The following AGPAT4 variants were observed in gnomAD, a reference collection of about 807,000 sequenced individuals.
AGPAT4 encodes the protein 1-acylglycerol-3-phosphate O-acyltransferase 4.
In AGPAT4, 15 loss-of-function variants were observed where a neutral mutation model predicts 48.0. That is an observed-to-expected ratio of 0.31 (90% CI 0.21 to 0.48). The LOEUF is 0.48. Among genes scored for constraint, AGPAT4 ranks in the 20% least tolerant of loss-of-function variants. The probability of loss-of-function intolerance (pLI) is 0.99; values close to 1 mark genes in which losing one functional copy is unlikely to be tolerated. For synonymous variants in AGPAT4, 178 were observed against 198.7 expected (o/e 0.90, Z 0.88); for missense variants, 314 against 482.5 (o/e 0.65, Z 3.27).
At position 161,200,192 on chromosome 6, in the gene AGPAT4, G is replaced by A. The variant is rs1276238352; in HGVS notation, c.178+31844C>T. On this transcript the variant is annotated intron_variant, in intron 2 of 8. Transcript: ENST00000320285. This position sits in a 1 kb window ranked among gnomAD's most constrained non-coding sequence, Gnocchi z 5.5. Reference sequence around the variant, plus strand: ...GTTCACCCTTCAGCCCGGTCCCCATGAGAAAAAATGTCAAATTGTACATCA... The same window carrying A: ...GTTCACCCTTCAGCCCGGTCCCCATAAGAAAAAATGTCAAATTGTACATCA... Among the ~76,000 whole-genome samples, 1 of 152,222 alleles carries A rather than the reference G, an allele frequency of 6.6e-6. No individual in the cohort carries two copies. The highest frequency in any genetic ancestry group is 2.4e-5 in the African/African-American group (1 of 41,464).
In AGPAT4 at chr6:161,189,321, G is replaced by C. The variant is rs1421014038; in HGVS notation, c.179-22904C>G. Among the ~76,000 whole-genome samples, 1 of 152,054 alleles carries C rather than the reference G, an allele frequency of 6.6e-6. No homozygotes were observed. Among genetic ancestry groups the C allele is most frequent in the East Asian group, 1.9e-4 (1 of 5,170 alleles). ...TAATGAGTGTGCCAAGACCAGCAGG[G>C]TGCCCTGAGGTCACAGCTCAGGTGA... On this transcript the variant is annotated intron_variant, in intron 2 of 8. Coordinates refer to ENST00000320285, the MANE Select transcript of AGPAT4 (RefSeq NM_020133.3). The surrounding 1 kb of genome is among the most constrained non-coding windows in gnomAD (Gnocchi z 5.3).
At position 161,147,651 on chromosome 6, in the gene AGPAT4, C is replaced by T. The variant is rs374941428; in HGVS notation, c.768-1052G>A. Reference sequence around the variant, plus strand: ...TTAGAACTTACCCCATAAGCTCCTCCGGAAATATTCTTTCACCTTTTCTGT... The same window carrying T: ...TTAGAACTTACCCCATAAGCTCCTCTGGAAATATTCTTTCACCTTTTCTGT... On this transcript the variant is annotated intron_variant, in intron 6 of 8. Transcript: ENST00000320285. The surrounding 1 kb of genome is among the most constrained non-coding windows in gnomAD (Gnocchi z 4.8). Among the ~76,000 whole-genome samples the T allele has an allele frequency of 9.9e-5, 15 of 152,144 alleles. 1 individual carries two copies. Among genetic ancestry groups the T allele is most frequent in the East Asian group, 9.6e-4 (5 of 5,192 alleles).
At chr6:161,271,968 T>C (rs1415864762) in intron 1 of AGPAT4, among the ~76,000 whole-genome samples, 2 of 152,228 alleles carry the variant, frequency 1.3e-5, no homozygotes, top group Admixed American at 6.5e-5. Flanking sequence ...TCCAACCGTT[T>C]CTCTGTGTAC....
chr6:161,218,245 G>A lies in AGPAT4; in HGVS notation c.178+13791C>T, dbSNP rs555231864. On this transcript the variant is annotated intron_variant, in intron 2 of 8. Transcript: ENST00000320285. This position sits in a 1 kb window ranked among gnomAD's most constrained non-coding sequence, Gnocchi z 4.7. ...TTGTGTGGCAGGGGAGGCAGTAGGT[G>A]GGAGGAAAAAAAGCCCTGATTTATA... Among the ~76,000 whole-genome samples, 23 of 152,208 alleles carry A rather than the reference G, an allele frequency of 1.5e-4. No homozygotes were observed. Among genetic ancestry groups the A allele is most frequent in the African/African-American group, 5.3e-4 (22 of 41,552 alleles).
At position 161,178,701 on chromosome 6, in the gene AGPAT4, C is replaced by T. The variant is rs2064719; in HGVS notation, c.179-12284G>A. Among the ~76,000 whole-genome samples the T allele has an allele frequency of 0.094, 14,244 of 152,176 alleles. 729 individuals carry two copies. Among genetic ancestry groups the T allele is most frequent in the Non-Finnish European group, 0.12 (8,261 of 67,984 alleles). ...GGAAGTGCAGAAATCACCCATCTTC[C>T]GCATCACTCACACTGGGAGCTGTAG... On this transcript the variant is annotated intron_variant, in intron 2 of 8. Transcript: ENST00000320285. This position sits in a 1 kb window ranked among gnomAD's most constrained non-coding sequence, Gnocchi z 5.1.
At chr6:161,152,140 T>C (rs1779608817) in intron 5 of AGPAT4, among the ~76,000 whole-genome samples, 1 of 152,054 alleles carries the variant, frequency 6.6e-6, no homozygotes, top group Non-Finnish European at 1.5e-5. Context: ...GTTGTGGGGA[T>C]TGAAGGTGAC....
rs1779418190 is a variant in AGPAT4, at chr6:161,146,175, G to A, written c.843+349C>T. 6.6e-6 allele frequency among the ~76,000 whole-genome samples: 1 copy of A among 151,390 alleles called. No individual in the cohort carries two copies. Among genetic ancestry groups the A allele is most frequent in the African/African-American group, 2.5e-5 (1 of 40,740 alleles). ...AGATCAGATTGACAACCAAATTGTT[G>A]ATCCAGAAGCAATCAAGACCATGTC... On this transcript the variant is annotated intron_variant, in intron 7 of 8. Coordinates refer to ENST00000320285, the MANE Select transcript of AGPAT4 (RefSeq NM_020133.3). The surrounding 1 kb of genome is among the most constrained non-coding windows in gnomAD (Gnocchi z 7.1).
In AGPAT4 at chr6:161,142,840, T is replaced by TA. The variant is rs1404645018; in HGVS notation, c.844-3221dup. On this transcript the variant is annotated intron_variant, in intron 7 of 8. Transcript: ENST00000320285. This position sits in a 1 kb window ranked among gnomAD's most constrained non-coding sequence, Gnocchi z 6.4. ...GCACGGCCAGGACTTGCAAAGGACT[T>TA]ACCATGGGAGCCAAGCCTTGAGGCT... Among the ~76,000 whole-genome samples the TA allele has an allele frequency of 2.6e-5, 4 of 152,302 alleles. No homozygotes were observed. The highest frequency in any genetic ancestry group is 9.6e-5 in the African/African-American group (4 of 41,560).
rs530584609 is a variant in AGPAT4 at position 161,184,629 on chromosome 6, G to A, written c.179-18212C>T. 2.0e-5 allele frequency among the ~76,000 whole-genome samples: 3 copies of A among 152,118 alleles called. No individual in the cohort carries two copies. In the East Asian group the frequency reaches 5.8e-4, roughly 29 times the overall value. The stretch of plus-strand genomic sequence containing the variant: ...GTCCCTGCTTCCTCCCAGGCTCTGT[G>A]GTCCACCTCTGTTCCTCTCCTACAC... On this transcript the variant is annotated intron_variant, in intron 2 of 8. Coordinates refer to ENST00000320285, the MANE Select transcript of AGPAT4 (RefSeq NM_020133.3). The surrounding 1 kb of genome is among the most constrained non-coding windows in gnomAD (Gnocchi z 4.8).
In AGPAT4 at chr6:161,166,529, C is replaced by A; in HGVS notation, c.179-112G>T. On this transcript the variant is annotated intron_variant, in intron 2 of 8. Coordinates refer to ENST00000320285, the MANE Select transcript of AGPAT4 (RefSeq NM_020133.3). The surrounding 1 kb of genome is among the most constrained non-coding windows in gnomAD (Gnocchi z 6.7). ...TAGGGGAGAAAGCAACTTCTACGGG[C>A]AAAGTTCTGGATCGTTGCAGCACAG... is the stretch of plus-strand genomic sequence containing the variant. 1 of 1,306,750 alleles carries A rather than the reference C, an allele frequency of 7.7e-7. No individual in the cohort carries two copies. The highest frequency in any genetic ancestry group is 1.0e-6 in the Non-Finnish European group (1 of 956,964). 80.9% of individuals were successfully genotyped at this position (1,306,750 alleles called of 1,614,324 possible). A position where few individuals can be genotyped will look rare whatever the true frequency, so the allele number is the denominator to read the frequency against.
Position 161,184,199 on chromosome 6 carries a change from G to A in AGPAT4, c.179-17782C>T, listed in dbSNP as rs567036797. On this transcript the variant is annotated intron_variant, in intron 2 of 8. Transcript: ENST00000320285. This position sits in a 1 kb window ranked among gnomAD's most constrained non-coding sequence, Gnocchi z 4.8. ...GGGTGGAAGGCAGGTGTTGAAGCAG[G>A]CTACTGCAGTCAGCCCAACAGGGGT... Among the ~76,000 whole-genome samples, 1 of 152,052 alleles carries A rather than the reference G, an allele frequency of 6.6e-6. No homozygotes were observed. The highest frequency in any genetic ancestry group is 6.5e-5 in the Admixed American group (1 of 15,278).
At position 161,159,937 on chromosome 6, in the gene AGPAT4, CT is replaced by C. The variant is rs60587380; in HGVS notation, c.349-5628del. Reference sequence around the variant, plus strand: ...GTGTGAGCCACCAAACCTGGCTTTTCTTTTTTTTTTCTTTTTTTGAGATGGA... The same window carrying C: ...GTGTGAGCCACCAAACCTGGCTTTTCTTTTTTTTTCTTTTTTTGAGATGGA... On this transcript the variant is annotated intron_variant, in intron 3 of 8. Coordinates refer to ENST00000320285, the MANE Select transcript of AGPAT4 (RefSeq NM_020133.3). This position sits in a 1 kb window ranked among gnomAD's most constrained non-coding sequence, Gnocchi z 4.1. Among the ~76,000 whole-genome samples the C allele has an allele frequency of 0.3, 44,321 of 146,672 alleles. 8,364 individuals carry two copies. The highest frequency in any genetic ancestry group is 0.54 in the African/African-American group (21,735 of 39,954).
intron 2 of AGPAT4, among the ~76,000 whole-genome samples, chr6:161,194,652 A>G (rs563572513): frequency 6.0e-5 from 9 of 149,884 alleles, no homozygotes; most frequent in East Asian, 2.0e-4. Context: ...ATGTGTATGT[A>G]TGTATGTGTA....
In AGPAT4 at chr6:161,214,672, G is replaced by A. The variant is rs1781598243; in HGVS notation, c.178+17364C>T. ...TAGTCCCAGCTACTCGGGAGGCTGA[G>A]GCAGGAGAATCACTTGAACCCAGGA... On this transcript the variant is annotated intron_variant, in intron 2 of 8. Transcript: ENST00000320285. The surrounding 1 kb of genome is among the most constrained non-coding windows in gnomAD (Gnocchi z 5.4). Among the ~76,000 whole-genome samples the A allele has an allele frequency of 6.6e-6, 1 of 152,196 alleles. No homozygotes were observed. The highest frequency in any genetic ancestry group is 6.5e-5 in the Admixed American group (1 of 15,282).
Position 161,238,341 on chromosome 6 carries a change from G to A in AGPAT4, c.-89-6039C>T, listed in dbSNP as rs904673325. Reference sequence around the variant, plus strand: ...ATGCCTGGAACGGGGAAAACCCCAAGTAATGGGGGATTTTTCTATCATTTG... The same window carrying A: ...ATGCCTGGAACGGGGAAAACCCCAAATAATGGGGGATTTTTCTATCATTTG... On this transcript the variant is annotated intron_variant, in intron 1 of 8. Coordinates refer to ENST00000320285, the MANE Select transcript of AGPAT4 (RefSeq NM_020133.3). This position sits in a 1 kb window ranked among gnomAD's most constrained non-coding sequence, Gnocchi z 5.2. Among the ~76,000 whole-genome samples, 11 of 152,198 alleles carry A rather than the reference G, an allele frequency of 7.2e-5. No individual in the cohort carries two copies. Among genetic ancestry groups the A allele is most frequent in the African/African-American group, 2.7e-4 (11 of 41,438 alleles).
At position 161,246,011 on chromosome 6, in the gene AGPAT4, A is replaced by G. The variant is rs953753348; in HGVS notation, c.-89-13709T>C. On this transcript the variant is annotated intron_variant, in intron 1 of 8. Transcript: ENST00000320285. This position sits in a 1 kb window ranked among gnomAD's most constrained non-coding sequence, Gnocchi z 5.5. The stretch of plus-strand genomic sequence containing the variant: ...GTTGACATGCAGTATCCTTGTTTCT[A>G]GATAGCTCTGAAAAATGGCCACAAG... 9.2e-5 allele frequency among the ~76,000 whole-genome samples: 14 copies of G among 152,214 alleles called. No individual in the cohort carries two copies. Among genetic ancestry groups the G allele is most frequent in the African/African-American group, 3.1e-4 (13 of 41,464 alleles).
At chr6:161,252,311 C>T (rs140593396) in intron 1 of AGPAT4, among the ~76,000 whole-genome samples, 186 of 152,262 alleles carry the variant, frequency 1.2e-3, no homozygotes, top group South Asian at 7.3e-3. Flanking sequence ...AAAAGTTTCA[C>T]GTTGCGAATT....
At position 161,197,644 on chromosome 6, in the gene AGPAT4, TA is replaced by T. The variant is rs1300792077; in HGVS notation, c.179-31228del. ...ACATCTTTACATTCCCTGCTGTTCCTAACCTAGAGCCGTTGTCTTGCAGGAG... is the reference window on the plus strand; with the variant it reads ...ACATCTTTACATTCCCTGCTGTTCCTACCTAGAGCCGTTGTCTTGCAGGAG... On this transcript the variant is annotated intron_variant, in intron 2 of 8. Coordinates refer to ENST00000320285, the MANE Select transcript of AGPAT4 (RefSeq NM_020133.3). This position sits in a 1 kb window ranked among gnomAD's most constrained non-coding sequence, Gnocchi z 5.7. Among the ~76,000 whole-genome samples the T allele has an allele frequency of 2.6e-5, 4 of 152,166 alleles. No homozygotes were observed. Among genetic ancestry groups the T allele is most frequent in the Non-Finnish European group, 4.4e-5 (3 of 68,030 alleles).
rs1166936258 is a variant in AGPAT4 at position 161,201,832 on chromosome 6, C to A, written c.178+30204G>T. On this transcript the variant is annotated intron_variant, in intron 2 of 8. Coordinates refer to ENST00000320285, the MANE Select transcript of AGPAT4 (RefSeq NM_020133.3). The surrounding 1 kb of genome is among the most constrained non-coding windows in gnomAD (Gnocchi z 6.0). ...GCAAGAGGAAGTCCCATTTCACAGA[C>A]AATTAACTGTACTTTGACAACCATT... Among the ~76,000 whole-genome samples the A allele has an allele frequency of 6.6e-6, 1 of 152,232 alleles. No homozygotes were observed. Among genetic ancestry groups the A allele is most frequent in the Non-Finnish European group, 1.5e-5 (1 of 68,038 alleles).
Sources: gnomAD v4.1 joint callset for allele counts (sites outside exome capture counted in the v4.1 genomes callset) on GRCh38, gnomAD v4.1.1 for gene constraint, Gnocchi (gnomAD v3.1) non-coding constraint, MANE v1.5 for transcripts, NCBI Gene and HGNC (gene_info 2026-07-23, HGNC 2026-07-21) for gene names.